Variants in ARHGAP15 observed in about 807,000 individuals in gnomAD.
ARHGAP15 encodes Rho GTPase activating protein 15, also known as rho GTPase-activating protein 15.
Under a neutral mutation model 63.7 loss-of-function variants are expected in ARHGAP15, and 51 were observed. The ratio of observed to expected loss-of-function variants is 0.80; its 90% CI spans 0.64 to 1.01. ARHGAP15 has a LOEUF of 1.01. Among genes scored for constraint, ARHGAP15 ranks in the 50% least tolerant of loss-of-function variants. The probability of loss-of-function intolerance (pLI) is 0.00; values close to 1 mark genes in which losing one functional copy is unlikely to be tolerated. For synonymous variants in ARHGAP15, 191 were observed against 193.8 expected, an observed-to-expected ratio of 0.99 and a Z score of 0.12; for missense variants, 560 against 564.6, an observed-to-expected ratio of 0.99 and a Z score of 0.08.
At chr2:143,255,271 C>T (rs1304653241) in intron 6 of ARHGAP15, among the ~76,000 whole-genome samples, 1 of 151,982 alleles carries the variant, frequency 6.6e-6, no homozygotes, top group East Asian at 1.9e-4. Flanking sequence ...GTTATCCTCC[C>T]CCCGCCACCA....
At chr2:143,303,754 C>G (rs1050474462) in intron 6 of ARHGAP15, among the ~76,000 whole-genome samples, 3 of 151,944 alleles carry the variant, frequency 2.0e-5, no homozygotes, top group African/African-American at 7.3e-5. Context: ...AGAACTCAAA[C>G]AAATTTACAA....
chr2:143,184,851 T>TC (rs1289623239), intron 2 of ARHGAP15, among the ~76,000 whole-genome samples: 1 of 132,282 alleles, frequency 7.6e-6, no homozygotes, highest in Admixed American at 7.6e-5. Context: ...TTTTCTTTTT[T>TC]CTTTTTTTTT....
intron 13 of ARHGAP15, among the ~76,000 whole-genome samples, chr2:143,720,129 T>C (rs1026025318): frequency 3.9e-5 from 6 of 152,162 alleles, no homozygotes; most frequent in Admixed American, 6.5e-5. Context: ...GGATTGTGGA[T>C]ACTGGGGAGA....
chr2:143,706,460 C>T (rs2105430613), intron 13 of ARHGAP15: 1 of 152,240 alleles, frequency 6.6e-6, no homozygotes, highest in Admixed American at 6.5e-5. Context: ...AAAAATTCCA[C>T]TTGACCTACG....
chr2:143,137,434 T>C (rs1370841260), intron 1 of ARHGAP15, among the ~76,000 whole-genome samples: 1 of 152,012 alleles, frequency 6.6e-6, no homozygotes, highest in African/African-American at 2.4e-5. Context: ...TATAGGGTAA[T>C]TTAGGAGAAG....
chr2:143,299,293 T>A (rs1399855221), intron 6 of ARHGAP15, among the ~76,000 whole-genome samples: 1 of 152,012 alleles, frequency 6.6e-6, no homozygotes, highest in African/African-American at 2.4e-5. Flanking sequence ...CTCACCACTC[T>A]GAAAATTTGT....
intron 6 of ARHGAP15, among the ~76,000 whole-genome samples, chr2:143,366,823 A>T (rs1686314751): frequency 6.6e-6 from 1 of 152,078 alleles, no homozygotes; most frequent in African/African-American, 2.4e-5. Context: ...AATCGTAGTT[A>T]TGTAATTATT....
At chr2:143,514,650 A>G (rs1009318642) in intron 9 of ARHGAP15, among the ~76,000 whole-genome samples, 2 of 152,184 alleles carry the variant, frequency 1.3e-5, no homozygotes, top group Admixed American at 1.3e-4. Flanking sequence ...TCTCAGTGGC[A>G]TATAACACCG....
chr2:143,465,239 C>G (rs1691143689), intron 8 of ARHGAP15, among the ~76,000 whole-genome samples: 1 of 152,080 alleles, frequency 6.6e-6, no homozygotes, highest in Non-Finnish European at 1.5e-5. Flanking sequence ...AGAAGAGAAT[C>G]AAGAGAGGGA....
At chr2:143,408,031 A>ATATG (rs1558950738) in intron 6 of ARHGAP15, among the ~76,000 whole-genome samples, 2 of 120,042 alleles carry the variant, frequency 1.7e-5, no homozygotes, top group African/African-American at 6.4e-5. Context: ...ATATATATAT[A>ATATG]TCCTTTTTCC....
intron 1 of ARHGAP15, among the ~76,000 whole-genome samples, chr2:143,136,879 A>G (rs1689163540): frequency 1.3e-5 from 2 of 152,068 alleles, no homozygotes; most frequent in Non-Finnish European, 2.9e-5. Context: ...AATGAATTAG[A>G]TATTAAGCAA....
At chr2:143,241,553 AG>A (rs1404848279) in intron 5 of ARHGAP15, among the ~76,000 whole-genome samples, 2 of 152,220 alleles carry the variant, frequency 1.3e-5, no homozygotes, top group Non-Finnish European at 2.9e-5. Context: ...GCATGTGCCT[AG>A]AAGTCTTTTC....
At chr2:143,129,616 A>G (rs1260411116) in intron 1 of ARHGAP15, 150 bp downstream of exon 1, 5 of 152,188 alleles carry the variant, frequency 3.3e-5, no homozygotes, top group African/African-American at 1.2e-4. Context: ...TTTGATGTAG[A>G]AAAGAATGTT....
At chr2:143,412,658 A>T (rs1236188875) in intron 6 of ARHGAP15, among the ~76,000 whole-genome samples, 1 of 152,130 alleles carries the variant, frequency 6.6e-6, no homozygotes, top group Non-Finnish European at 1.5e-5. Flanking sequence ...CGGATTTTTT[A>T]AAAATTTATT....
chr2:143,494,041 A>G (rs1378766819), intron 9 of ARHGAP15, among the ~76,000 whole-genome samples: 1 of 152,174 alleles, frequency 6.6e-6, no homozygotes, highest in African/African-American at 2.4e-5. Flanking sequence ...TGGAATCAAG[A>G]TAATGTATAT....
intron 2 of ARHGAP15, among the ~76,000 whole-genome samples, chr2:143,192,799 C>A (rs1161847557): frequency 6.6e-6 from 1 of 152,134 alleles, no homozygotes; most frequent in South Asian, 2.1e-4. Context: ...ATTTCCCTTG[C>A]TGTTGTATGT....
intron 6 of ARHGAP15, among the ~76,000 whole-genome samples, chr2:143,417,713 T>C (rs1048512574): frequency 6.6e-6 from 1 of 152,238 alleles, no homozygotes; most frequent in Non-Finnish European, 1.5e-5. Flanking sequence ...TACTGTCTCT[T>C]GCTGTTCTGC....
At chr2:143,484,335 C>T (rs181724966) in intron 8 of ARHGAP15, among the ~76,000 whole-genome samples, 1,599 of 144,198 alleles carry the variant, frequency 0.011, 18 homozygotes, top group Middle Eastern at 0.02. Flanking sequence ...CACTGCACTC[C>T]AGCGTGGGCA....
intron 12 of ARHGAP15, chr2:143,676,255 C>G (rs1347335500): frequency 1.3e-5 from 2 of 152,258 alleles, no homozygotes; most frequent in Non-Finnish European, 2.9e-5. Flanking sequence ...ATCGAGCCCA[C>G]TCAAATTTTC....
Sources: gnomAD v4.1 joint callset for allele counts (sites outside exome capture counted in the v4.1 genomes callset) on GRCh38, gnomAD v4.1.1 for gene constraint, MANE v1.5 for transcripts, NCBI Gene and HGNC (gene_info 2026-07-23, HGNC 2026-07-21) for gene names.